The following DHRS12 variants were observed in gnomAD, a reference collection of about 807,000 sequenced individuals.
The protein encoded by DHRS12 is dehydrogenase/reductase 12.
Under a neutral mutation model 32.1 loss-of-function variants are expected in DHRS12, and 29 were observed. The ratio of observed to expected loss-of-function variants is 0.90; its 90% confidence interval spans 0.67 to 1.23. DHRS12 has a LOEUF of 1.23. Among genes scored for constraint, DHRS12 ranks in the 50% most tolerant of loss-of-function variants. The pLI, the probability that DHRS12 is intolerant of heterozygous loss-of-function variation, is 0.00. For synonymous variants in DHRS12, 150 were observed against 135.9 expected (o/e 1.10, Z -0.72); for missense variants, 330 against 337.2 (o/e 0.98, Z 0.17).
At chr13:51,772,583 G>A in intron 6 of DHRS12, 3 of 970,428 alleles carry the variant, frequency 3.1e-6, no homozygotes, top group Non-Finnish European at 3.7e-6. Flanking sequence ...GGAGATGGAG[G>A]TTGCAGTATA....
chr13:51,780,217 C>T (rs1251635962), intron 4 of DHRS12, among the ~76,000 whole-genome samples: 2 of 151,268 alleles, frequency 1.3e-5, no homozygotes, highest in East Asian at 3.9e-4. Flanking sequence ...AAGAATGTCT[C>T]TGGACAGACA....
At chr13:51,763,082 A>G (rs1953639622), downstream of DHRS12, 1 of 152,200 alleles carries the variant, frequency 6.6e-6, no homozygotes, top group South Asian at 2.1e-4. Context: ...AGAGATCTAG[A>G]GTGTTTCAAG....
rs59996954 is a variant in DHRS12 at position 51,789,623 on chromosome 13, C to T, written c.301+388G>A. ...CCAGGTATCTGTGCTCTAGCCAATG[C>T]GCTTCTTGGTCCATCTTCTTGCCCA... On this transcript the variant is annotated intron_variant, in intron 4 of 8. Transcript: ENST00000444610. 3.5e-4 allele frequency: 347 copies of T among 985,426 alleles called. No individual in the cohort carries two copies. The African/African-American group carries it at 4.5e-3, about 13-fold the overall frequency. The allele number at this position is 985,426 out of a possible 1,614,324, so 61.0% of individuals were successfully genotyped here. A position where few individuals can be genotyped will look rare whatever the true frequency, so the allele number is the denominator to read the frequency against.
At chr13:51,758,092 T>C in the DHRS12 span, 1 of 749,208 alleles carries the variant, frequency 1.3e-6, no homozygotes. Flanking sequence ...GAAGCAGTTT[T>C]AGCCACGAGG....
At chr13:51,799,044 T>G (rs1405083711) in intron 2 of DHRS12, among the ~76,000 whole-genome samples, 1 of 152,180 alleles carries the variant, frequency 6.6e-6, no homozygotes, top group Non-Finnish European at 1.5e-5. Flanking sequence ...GGAGGAAGTT[T>G]AGTTCAATGC....
chr13:51,789,887 T>G, intron 4 of DHRS12, 124 bp downstream of exon 4: 1 of 1,358,218 alleles, frequency 7.4e-7, no homozygotes, highest in Non-Finnish European at 9.5e-7. Context: ...AGAATAAACT[T>G]AAAGCAAACG....
At position 51,768,016 on chromosome 13, in the gene DHRS12, C is replaced by G; in HGVS notation, c.*171G>C. ...AGTTCAAGGTGAGCCTGATCACAGC[C>G]TCGGTAGTATTTATTTTGAAATAAA... On this transcript the variant is annotated 3_prime_UTR_variant, in exon 9 of 9. Coordinates refer to ENST00000444610, the MANE Select transcript of DHRS12 (RefSeq NM_001377533.1). 1.4e-6 allele frequency: 2 copies of G among 1,422,328 alleles called. No homozygotes were observed. The highest frequency in any genetic ancestry group is 1.4e-5 in the African/African-American group (1 of 69,612). 88.1% of individuals were successfully genotyped at this position (1,422,328 alleles called of 1,614,324 possible). A position where few individuals can be genotyped will look rare whatever the true frequency, so the allele number is the denominator to read the frequency against.
intron 4 of DHRS12, among the ~76,000 whole-genome samples, chr13:51,786,274 C>A (rs900679300): frequency 1.3e-5 from 2 of 152,160 alleles, no homozygotes; most frequent in African/African-American, 2.4e-5. Context: ...CGTCTTGTGT[C>A]CTGTGGTGAG....
At chr13:51,795,970 C>T (rs759919554) in intron 2 of DHRS12, among the ~76,000 whole-genome samples, 2 of 152,216 alleles carry the variant, frequency 1.3e-5, no homozygotes, top group Non-Finnish European at 2.9e-5. Flanking sequence ...GTATCCTGCA[C>T]AAGACTGTCT....
the DHRS12 span, chr13:51,755,526 A>T: frequency 2.3e-5 from 34 of 1,486,362 alleles, no homozygotes; most frequent in Non-Finnish European, 3.2e-5. Context: ...TGATCTTAGA[A>T]GAAATAACAC....
the DHRS12 span, chr13:51,756,220 C>T: frequency 6.9e-7 from 1 of 1,454,968 alleles, no homozygotes; most frequent in African/African-American, 1.4e-5. Context: ...TCTTGTTCAG[C>T]ATCCTCACCT....
chr13:51,771,056 C>G (rs1015496022), intron 7 of DHRS12: 16 of 1,434,704 alleles, frequency 1.1e-5, no homozygotes, highest in Non-Finnish European at 1.5e-5. Flanking sequence ...TGGCCAGGCC[C>G]GGCTGGGAGG....
downstream of DHRS12, chr13:51,763,793 GAATA>G (rs1479851508): frequency 6.6e-6 from 1 of 152,144 alleles, no homozygotes; most frequent in East Asian, 1.9e-4. Context: ...GCAAGGCCCT[GAATA>G]AATAAACAAA....
intron 1 of DHRS12, among the ~76,000 whole-genome samples, chr13:51,802,117 A>T (rs1233121059): frequency 6.6e-6 from 1 of 151,686 alleles, no homozygotes; most frequent in Non-Finnish European, 1.5e-5. Context: ...TTATTGGGGA[A>T]GCATTTTATT....
intron 7 of DHRS12, chr13:51,771,021 TGA>T (rs1293671170): frequency 7.0e-7 from 1 of 1,424,848 alleles, no homozygotes; most frequent in Non-Finnish European, 9.1e-7. Context: ...CAGCAGTGTG[TGA>T]GAGCCTGATT....
chr13:51,790,739 T>G (rs994132099), intron 3 of DHRS12, among the ~76,000 whole-genome samples: 2 of 152,086 alleles, frequency 1.3e-5, no homozygotes, highest in East Asian at 1.9e-4. Context: ...CTGGGACTCT[T>G]TCTATCTGAG....
intron 4 of DHRS12, among the ~76,000 whole-genome samples, chr13:51,785,563 C>T (rs974108500): frequency 9.9e-5 from 15 of 152,146 alleles, no homozygotes; most frequent in African/African-American, 3.4e-4. Flanking sequence ...TGGAATTGCT[C>T]GCACACCTGG....
chr13:51,762,640 A>G, the DHRS12 span: 1 of 152,204 alleles, frequency 6.6e-6, no homozygotes, highest in Non-Finnish European at 1.5e-5. Flanking sequence ...TGGAGGCTCC[A>G]TTCCTTAGGA....
intron 6 of DHRS12, chr13:51,773,154 G>A: frequency 1.2e-6 from 1 of 822,144 alleles, no homozygotes; most frequent in Non-Finnish European, 1.5e-6. Context: ...CATCTGAAAT[G>A]CTGAGGCCCA....
Sources: gnomAD v4.1 joint callset for allele counts (sites outside exome capture counted in the v4.1 genomes callset) on GRCh38, gnomAD v4.1.1 for gene constraint, MANE v1.5 for transcripts, NCBI Gene and HGNC (gene_info 2026-07-23, HGNC 2026-07-21) for gene names.